The following CYP2C18 variants were observed in gnomAD, a reference collection of about 807,000 sequenced individuals.
CYP2C18 encodes the protein cytochrome P450 2C18.
CYP2C18 carries 38 observed loss-of-function variants against 41.3 expected under a neutral mutation model. That is an observed-to-expected ratio of 0.92 (90% CI 0.71 to 1.21). CYP2C18 has a LOEUF of 1.21. Ranked by LOEUF, CYP2C18 falls within the 50% of genes most tolerant of loss-of-function variation. The probability of loss-of-function intolerance (pLI) is 0.00; values close to 1 mark genes in which losing one functional copy is unlikely to be tolerated. For synonymous variants in CYP2C18, 236 were observed against 210.0 expected (o/e 1.12, Z -1.07); for missense variants, 635 against 591.4 (o/e 1.07, Z -0.77).
intron 7 of CYP2C18, among the ~76,000 whole-genome samples, chr10:94,731,572 A>G (rs774561876): frequency 5.3e-5 from 8 of 152,174 alleles, no homozygotes; most frequent in Non-Finnish European, 1.2e-4. Context: ...AAACTATGCT[A>G]TAAGGCTACA....
At chr10:94,716,313 G>A (rs1285318263) in intron 5 of CYP2C18, among the ~76,000 whole-genome samples, 1 of 151,952 alleles carries the variant, frequency 6.6e-6, no homozygotes, top group Non-Finnish European at 1.5e-5. Context: ...TTCTCTTGTG[G>A]GCATTTAGTG....
At chr10:94,698,130 C>A (rs1176470506) in intron 4 of CYP2C18, among the ~76,000 whole-genome samples, 3 of 152,134 alleles carry the variant, frequency 2.0e-5, no homozygotes, top group Non-Finnish European at 1.5e-5. Flanking sequence ...ACCAAGCAGA[C>A]CTAATAGACA....
intron 6 of CYP2C18, among the ~76,000 whole-genome samples, chr10:94,720,924 T>C (rs182688233): frequency 9.2e-4 from 140 of 152,286 alleles, no homozygotes; most frequent in African/African-American, 3.1e-3. Flanking sequence ...TTGAAATGAG[T>C]AGAAATTTTA....
At chr10:94,707,141 A>G (rs1044593993) in intron 5 of CYP2C18, among the ~76,000 whole-genome samples, 181 bp downstream of exon 5, 2 of 152,174 alleles carry the variant, frequency 1.3e-5, no homozygotes, top group African/African-American at 4.8e-5. Context: ...TGTGAGCACC[A>G]TTGTTAGGTA....
intron 7 of CYP2C18, among the ~76,000 whole-genome samples, chr10:94,727,587 C>G (rs985692452): frequency 1.3e-5 from 2 of 151,270 alleles, no homozygotes; most frequent in African/African-American, 4.9e-5. Context: ...TGTACTCCAG[C>G]CTGGGTGACA....
At chr10:94,691,038 T>C (rs1206958261) in intron 3 of CYP2C18, among the ~76,000 whole-genome samples, 2 of 152,100 alleles carry the variant, frequency 1.3e-5, no homozygotes, top group Non-Finnish European at 2.9e-5. Context: ...TAATAAGAGC[T>C]ATCTATGACA....
intron 6 of CYP2C18, among the ~76,000 whole-genome samples, chr10:94,723,678 G>A (rs1045841674): frequency 6.6e-6 from 1 of 152,150 alleles, no homozygotes; most frequent in Admixed American, 6.6e-5. Context: ...GTGAATGTGT[G>A]TGCATGTTTC....
chr10:94,716,652 AT>A (rs1257461547), intron 5 of CYP2C18, among the ~76,000 whole-genome samples: 8 of 152,144 alleles, frequency 5.3e-5, no homozygotes, highest in African/African-American at 1.9e-4. Flanking sequence ...AAGAATGTAA[AT>A]TCTGTTGATT....
At chr10:94,712,592 G>A (rs1428941332) in intron 5 of CYP2C18, among the ~76,000 whole-genome samples, 1 of 152,006 alleles carries the variant, frequency 6.6e-6, no homozygotes, top group Non-Finnish European at 1.5e-5. Context: ...TTTATCTGTT[G>A]ATGGGCACTT....
At chr10:94,686,073 A>G (rs966112313) in intron 1 of CYP2C18, among the ~76,000 whole-genome samples, 7 of 151,970 alleles carry the variant, frequency 4.6e-5, no homozygotes, top group African/African-American at 1.7e-4. Context: ...TCTTTCATCA[A>G]TGATTTGTAG....
intron 4 of CYP2C18, among the ~76,000 whole-genome samples, chr10:94,700,060 A>G (rs537180161): frequency 2.6e-5 from 4 of 152,326 alleles, no homozygotes; most frequent in African/African-American, 9.6e-5. Context: ...GCCCAAGGTA[A>G]TTTATAGATT....
At position 94,720,379 on chromosome 10, in the gene CYP2C18, A is replaced by G. The variant is rs187644464; in HGVS notation, c.820-17A>G. 81 of 1,577,456 alleles carry G rather than the reference A, an allele frequency of 5.1e-5. No individual in the cohort carries two copies. Among genetic ancestry groups the G allele is most frequent in the Admixed American group, 4.7e-4 (25 of 53,452 alleles). On this transcript the variant is annotated splice_polypyrimidine_tract_variant and intron_variant, in intron 5 of 8. Coordinates refer to ENST00000285979, the MANE Select transcript of CYP2C18 (RefSeq NM_000772.3). ...TGGCAAACTACCAAATAATTAAATTATGAAATAATTTTTTAGGAAAAGCAC... is the reference window on the plus strand; with the variant it reads ...TGGCAAACTACCAAATAATTAAATTGTGAAATAATTTTTTAGGAAAAGCAC...
chr10:94,709,048 G>C (rs1847390129), intron 5 of CYP2C18, among the ~76,000 whole-genome samples: 1 of 152,110 alleles, frequency 6.6e-6, no homozygotes, highest in Non-Finnish European at 1.5e-5. Context: ...ACAAGTTTTT[G>C]TGTATAGATA....
intron 6 of CYP2C18, among the ~76,000 whole-genome samples, chr10:94,722,572 G>A (rs1256307076): frequency 1.3e-5 from 2 of 152,124 alleles, no homozygotes; most frequent in African/African-American, 4.8e-5. Flanking sequence ...AATTTCTGTT[G>A]CTATAGTCCC....
chr10:94,689,941 T>G (rs1232817379), intron 3 of CYP2C18, among the ~76,000 whole-genome samples: 1 of 152,024 alleles, frequency 6.6e-6, no homozygotes, highest in East Asian at 1.9e-4. Context: ...CAGTCTACCC[T>G]CCCTATCTCA....
At chr10:94,731,204 C>T (rs1390478761) in intron 7 of CYP2C18, among the ~76,000 whole-genome samples, 1 of 152,006 alleles carries the variant, frequency 6.6e-6, no homozygotes, top group Non-Finnish European at 1.5e-5. Flanking sequence ...CATGGTGAAA[C>T]CCCATCTCTA....
In CYP2C18 at chr10:94,706,819, C is replaced by T; in HGVS notation, c.678C>T (p.Leu226=). The T allele has an allele frequency of 1.9e-6, 3 of 1,604,006 alleles. No individual in the cohort carries two copies. The highest frequency in any genetic ancestry group is 2.6e-6 in the Non-Finnish European group (3 of 1,172,398). ...CNNFPALIDY[L]PGSHNKIAEN... ...ATTTCCCTGCTCTCATCGATTATCT[C>T]CCAGGAAGTCATAATAAAATAGCTG... is the stretch of plus-strand genomic sequence containing the variant. The change falls in exon 5 of 9, where the codon CTC becomes CTT. Residue 226 remains leucine (L), a synonymous_variant. Transcript: ENST00000285979.
In CYP2C18 at chr10:94,720,488, C is replaced by T. The variant is rs1242315132; in HGVS notation, c.912C>T (p.Thr304=). The change falls in exon 6 of 9, where the codon ACC becomes ACT. Residue 304 remains threonine (T), a synonymous_variant. Transcript: ENST00000285979. ...MFGAGTETTS[T]TLRYGLLLLL... ...GGGCTGGAACAGAGACAACGAGCAC[C>T]ACTCTGAGATATGGACTCCTGCTCC... The T allele has an allele frequency of 6.2e-7, 1 of 1,613,290 alleles. No individual in the cohort carries two copies.
Position 94,687,818 on chromosome 10 carries a change from C to T in CYP2C18, c.217C>T (p.Pro73Ser), listed in dbSNP as rs763247577. 11 of 1,613,586 alleles carry T rather than the reference C, an allele frequency of 6.8e-6. No homozygotes were observed. The highest frequency in any genetic ancestry group is 9.3e-6 in the Non-Finnish European group (11 of 1,179,760). ...GTTCACTGTGTATTTTGGCCTGAAG[C>T]CCATTGTGGTGTTGCATGGATATGA... ...PVFTVYFGLK[P>S]IVVLHGYEAV... Residue 73 changes from proline (P) to serine (S), a missense_variant, in exon 2 of 9, where the codon CCC (proline) becomes TCC (serine). Physicochemically the swap from Pro to Ser is moderately conservative, Grantham distance 74. Coordinates refer to ENST00000285979, the MANE Select transcript of CYP2C18 (RefSeq NM_000772.3).
Sources: gnomAD v4.1 joint callset for allele counts (sites outside exome capture counted in the v4.1 genomes callset) on GRCh38, gnomAD v4.1.1 for gene constraint, MANE v1.5 for transcripts, NCBI Gene and HGNC (gene_info 2026-07-23, HGNC 2026-07-21) for gene names.